TMTC2: variants seen among roughly 807,000 people sequenced by gnomAD.
The protein encoded by TMTC2 is transmembrane O-mannosyltransferase targeting cadherins 2.
Under a neutral mutation model 82.4 loss-of-function variants are expected in TMTC2, and 43 were observed. That is an observed-to-expected ratio of 0.52 (90% CI 0.41 to 0.67). The LOEUF is 0.67. Among genes scored for constraint, TMTC2 ranks in the 30% least tolerant of loss-of-function variants. TMTC2 has a pLI of 0.00. For synonymous variants in TMTC2, 408 were observed against 381.9 expected (o/e 1.07, Z -0.80); for missense variants, 919 against 1,012.4 (o/e 0.91, Z 1.25).
chr12:83,126,880 C>A (rs1565897940), intron 11 of TMTC2, among the ~76,000 whole-genome samples: 1 of 151,828 alleles, frequency 6.6e-6, no homozygotes, highest in East Asian at 1.9e-4. Flanking sequence ...GTATAAGGCA[C>A]AAATAAATAC....
chr12:82,848,208 C>T (rs1870794568), intron 1 of TMTC2, among the ~76,000 whole-genome samples: 1 of 152,114 alleles, frequency 6.6e-6, no homozygotes, highest in African/African-American at 2.4e-5. Context: ...CCTCAAGCTT[C>T]ATTCCATCCA....
At chr12:82,731,260 C>T (rs1359666263) in intron 1 of TMTC2, among the ~76,000 whole-genome samples, 2 of 152,226 alleles carry the variant, frequency 1.3e-5, no homozygotes, top group East Asian at 1.9e-4. Flanking sequence ...CGTAACCTAA[C>T]AGGCTTATCG....
intron 1 of TMTC2, among the ~76,000 whole-genome samples, chr12:82,688,492 T>C (rs1335625548): frequency 6.6e-6 from 1 of 152,232 alleles, no homozygotes; most frequent in Non-Finnish European, 1.5e-5. Context: ...TTGGTGTCTC[T>C]TCCTATCTTT....
At chr12:82,949,587 CATTTATTGGT>C (rs1315506708) in intron 4 of TMTC2, among the ~76,000 whole-genome samples, 1 of 152,140 alleles carries the variant, frequency 6.6e-6, no homozygotes, top group East Asian at 1.9e-4. Flanking sequence ...TCAAATCATT[CATTTATTGGT>C]CCTGTGTCTG....
At chr12:82,730,749 T>C (rs1874755777) in intron 1 of TMTC2, among the ~76,000 whole-genome samples, 1 of 152,216 alleles carries the variant, frequency 6.6e-6, no homozygotes. Context: ...GTTGTGGCCG[T>C]ACATCAATAA....
At chr12:83,053,723 A>G (rs915681993) in intron 10 of TMTC2, among the ~76,000 whole-genome samples, 2 of 152,096 alleles carry the variant, frequency 1.3e-5, no homozygotes, top group African/African-American at 2.4e-5. Context: ...TTCTCTGTAG[A>G]ATAAGCTAAT....
At chr12:83,115,371 G>T (rs1884719706) in intron 11 of TMTC2, among the ~76,000 whole-genome samples, 1 of 152,108 alleles carries the variant, frequency 6.6e-6, no homozygotes, top group African/African-American at 2.4e-5. Context: ...GATTAGTAAG[G>T]GCAGCCAGCT....
chr12:82,857,622 T>G (rs750475346), intron 2 of TMTC2, 42 bp downstream of exon 2: 78 of 1,515,460 alleles, frequency 5.1e-5, no homozygotes, highest in Non-Finnish European at 6.8e-5. Flanking sequence ...TACTGAGTAA[T>G]CTACTTGCTT....
chr12:82,961,673 C>T (rs556414119), intron 4 of TMTC2, among the ~76,000 whole-genome samples: 2 of 152,146 alleles, frequency 1.3e-5, no homozygotes, highest in East Asian at 1.9e-4. Context: ...GTGCTTTCAG[C>T]GTCTGCCTAC....
chr12:82,937,701 G>GGTGTGTGT lies in TMTC2; in HGVS notation c.1598+7176_1598+7183dup, dbSNP rs146657948. Among the ~76,000 whole-genome samples, 712 of 73,116 alleles carry GGTGTGTGT rather than the reference G, an allele frequency of 9.7e-3. 23 individuals carry two copies. The highest frequency in any genetic ancestry group is 0.03 in the African/African-American group (601 of 20,052). The allele number at this position is 73,116 out of a possible 152,430, so 48.0% of individuals were successfully genotyped here. A position where few individuals can be genotyped will look rare whatever the true frequency, so the allele number is the denominator to read the frequency against. ...GCTAACATTTTGAACAAATGTCAAT[G>GGTGTGTGT]GTGTGTGTGTGTGTGTGTGTGTGTG... On this transcript the variant is annotated intron_variant, in intron 4 of 11. Coordinates refer to ENST00000321196, the MANE Select transcript of TMTC2 (RefSeq NM_152588.3).
At chr12:82,760,132 C>G (rs1876533081) in intron 1 of TMTC2, 2 of 151,856 alleles carry the variant, frequency 1.3e-5, no homozygotes, top group Admixed American at 1.3e-4. Context: ...ATAAACTAAC[C>G]AAGTAAATTT....
intron 1 of TMTC2, among the ~76,000 whole-genome samples, chr12:82,829,840 G>A (rs1220616662): frequency 1.3e-5 from 2 of 152,176 alleles, no homozygotes; most frequent in Admixed American, 1.3e-4. Flanking sequence ...GGGTGGGGTT[G>A]ATAGGCAAGG....
chr12:82,978,176 T>C (rs560978688), intron 7 of TMTC2, among the ~76,000 whole-genome samples: 40 of 151,838 alleles, frequency 2.6e-4, no homozygotes, highest in African/African-American at 9.6e-4. Flanking sequence ...TTGATCTAGA[T>C]GCAGCCAATC....
chr12:82,924,752 C>T (rs558291191), intron 3 of TMTC2, among the ~76,000 whole-genome samples: 4 of 152,274 alleles, frequency 2.6e-5, no homozygotes, highest in Non-Finnish European at 5.9e-5. Context: ...AGTTGCCTTC[C>T]AGCTGGTCCC....
chr12:82,822,080 A>G (rs1869150696), intron 1 of TMTC2, among the ~76,000 whole-genome samples: 1 of 152,152 alleles, frequency 6.6e-6, no homozygotes, highest in East Asian at 1.9e-4. Context: ...ATGACTACAT[A>G]TTGTATAATT....
intron 11 of TMTC2, among the ~76,000 whole-genome samples, chr12:83,111,623 A>G (rs533809259): frequency 6.6e-6 from 1 of 152,196 alleles, no homozygotes; most frequent in Non-Finnish European, 1.5e-5. Context: ...ATGTATCACA[A>G]TATAAAATGT....
chr12:83,118,645 A>G (rs541788898), intron 11 of TMTC2, among the ~76,000 whole-genome samples: 2 of 152,064 alleles, frequency 1.3e-5, no homozygotes, highest in African/African-American at 4.8e-5. Flanking sequence ...TTTTGGTTAT[A>G]TCCTTTCGTG....
intron 3 of TMTC2, among the ~76,000 whole-genome samples, chr12:82,929,645 G>A (rs1336801568): frequency 6.6e-6 from 1 of 152,098 alleles, no homozygotes; most frequent in Non-Finnish European, 1.5e-5. Flanking sequence ...GGGGGACTCT[G>A]CTTTCAGGAC....
chr12:82,744,276 T>A (rs1463286459), intron 1 of TMTC2, among the ~76,000 whole-genome samples: 1 of 152,076 alleles, frequency 6.6e-6, no homozygotes, highest in Non-Finnish European at 1.5e-5. Flanking sequence ...GTACAAAAAT[T>A]AGCTGGGCGT....
Sources: gnomAD v4.1 joint callset for allele counts (sites outside exome capture counted in the v4.1 genomes callset) on GRCh38, gnomAD v4.1.1 for gene constraint, MANE v1.5 for transcripts, NCBI Gene and HGNC (gene_info 2026-07-23, HGNC 2026-07-21) for gene names.